Variants in LHFPL3 observed in about 807,000 individuals in gnomAD.
The protein encoded by LHFPL3 is LHFPL tetraspan subfamily member 3.
A neutral mutation model predicts 19.3 loss-of-function variants in LHFPL3; 5 were observed. The ratio of observed to expected loss-of-function variants is 0.26; its 90% CI spans 0.14 to 0.54. LHFPL3 has a LOEUF of 0.54. LHFPL3 is among the 20% of genes least tolerant of loss of function. The pLI, the probability that LHFPL3 is intolerant of heterozygous loss-of-function variation, is 0.94. For synonymous variants in LHFPL3, 133 were observed against 126.2 expected (o/e 1.05, Z -0.36); for missense variants, 249 against 307.4 (o/e 0.81, Z 1.42).
At chr7:104,667,273 G>A (rs961011358) in intron 1 of LHFPL3, among the ~76,000 whole-genome samples, 1 of 151,264 alleles carries the variant, frequency 6.6e-6, no homozygotes, top group Non-Finnish European at 1.5e-5. Flanking sequence ...TTGGGGGGGG[G>A]AATCTTTAAT....
At chr7:104,431,837 G>A (rs562465737) in intron 1 of LHFPL3, among the ~76,000 whole-genome samples, 1 of 152,248 alleles carries the variant, frequency 6.6e-6, no homozygotes, top group East Asian at 1.9e-4. Flanking sequence ...GGAAGGCTTA[G>A]GGTTTTCCTC....
chr7:104,577,468 A>G (rs1330699134), intron 1 of LHFPL3, among the ~76,000 whole-genome samples: 3 of 152,168 alleles, frequency 2.0e-5, no homozygotes, highest in African/African-American at 7.2e-5. Flanking sequence ...ATACACACAC[A>G]CGTATATATA....
At chr7:104,884,352 T>C (rs996982262) in intron 2 of LHFPL3, among the ~76,000 whole-genome samples, 1 of 152,204 alleles carries the variant, frequency 6.6e-6, no homozygotes, top group African/African-American at 2.4e-5. Context: ...AGATAGGCCC[T>C]CTGACCGCTC....
intron 2 of LHFPL3, among the ~76,000 whole-genome samples, chr7:104,753,593 G>A (rs899314354): frequency 2.0e-5 from 3 of 151,972 alleles, no homozygotes; most frequent in Admixed American, 1.3e-4. Context: ...TAGGACTTCT[G>A]TTCATGAGAG....
At chr7:104,569,244 A>C (rs1790181273) in intron 1 of LHFPL3, among the ~76,000 whole-genome samples, 1 of 152,200 alleles carries the variant, frequency 6.6e-6, no homozygotes. Flanking sequence ...AGTATGCAAT[A>C]AGTATTTGTT....
At chr7:104,711,013 T>C (rs1443041570) in intron 1 of LHFPL3, among the ~76,000 whole-genome samples, 1 of 152,152 alleles carries the variant, frequency 6.6e-6, no homozygotes, top group East Asian at 1.9e-4. Context: ...AGAATTTAGG[T>C]CATGATAGGT....
At chr7:104,843,993 C>T (rs776256347) in intron 2 of LHFPL3, among the ~76,000 whole-genome samples, 2 of 152,142 alleles carry the variant, frequency 1.3e-5, no homozygotes, top group Non-Finnish European at 2.9e-5. Flanking sequence ...TGGTGCTGAC[C>T]AACCAGGGAC....
At chr7:104,457,087 C>G (rs1161755654) in intron 1 of LHFPL3, among the ~76,000 whole-genome samples, 1 of 152,022 alleles carries the variant, frequency 6.6e-6, no homozygotes, top group African/African-American at 2.4e-5. Context: ...GCTTTAAATA[C>G]TTTGTTTTCA....
chr7:104,536,785 A>C (rs1263688991), intron 1 of LHFPL3, among the ~76,000 whole-genome samples: 1 of 152,162 alleles, frequency 6.6e-6, no homozygotes, highest in Non-Finnish European at 1.5e-5. Context: ...TTAAGCTTGC[A>C]TTTCCTTTTT....
intron 2 of LHFPL3, among the ~76,000 whole-genome samples, chr7:104,835,829 A>C (rs55682369): frequency 0.33 from 49,517 of 151,670 alleles, 9,092 homozygotes; most frequent in Non-Finnish European, 0.41. Flanking sequence ...ATAGGTATAC[A>C]TGTGCTATGG....
Position 104,428,811 on chromosome 7 carries a change from G to A in LHFPL3, c.445+99587G>A, listed in dbSNP as rs60021364. Among the ~76,000 whole-genome samples, 995 of 152,234 alleles carry A rather than the reference G, an allele frequency of 6.5e-3. 75 individuals are homozygous for A. In the East Asian group the frequency reaches 0.16, roughly 25 times the overall value. The stretch of plus-strand genomic sequence containing the variant: ...AAAACCTAGATTTAATATGATATCA[G>A]TATGATTTTCTCTGGAAGTCTAATA... On this transcript the variant is annotated intron_variant, in intron 1 of 2. Transcript: ENST00000424859.
intron 2 of LHFPL3, among the ~76,000 whole-genome samples, chr7:104,821,731 A>ATCTTCT (rs1790679044): frequency 6.6e-6 from 1 of 152,228 alleles, no homozygotes; most frequent in African/African-American, 2.4e-5. Flanking sequence ...AAAGGCCTAA[A>ATCTTCT]GTAGCACAGT....
intron 1 of LHFPL3, among the ~76,000 whole-genome samples, chr7:104,719,394 G>T (rs1793446532): frequency 2.0e-5 from 3 of 152,062 alleles, no homozygotes; most frequent in South Asian, 2.1e-4. Context: ...GCCAAAAAAG[G>T]GGGATGAGTA....
At chr7:104,846,831 A>G (rs566434920) in intron 2 of LHFPL3, among the ~76,000 whole-genome samples, 2 of 152,340 alleles carry the variant, frequency 1.3e-5, no homozygotes, top group South Asian at 4.1e-4. Context: ...TGGGCTCCTC[A>G]TCTGTAAAAT....
At chr7:104,624,965 T>A (rs953259414) in intron 1 of LHFPL3, among the ~76,000 whole-genome samples, 2 of 152,248 alleles carry the variant, frequency 1.3e-5, no homozygotes, top group African/African-American at 4.8e-5. Flanking sequence ...TTATGGATAA[T>A]AAACATTGTG....
chr7:104,879,655 A>T (rs1438613622), intron 2 of LHFPL3, among the ~76,000 whole-genome samples: 1 of 152,202 alleles, frequency 6.6e-6, no homozygotes, highest in Non-Finnish European at 1.5e-5. Context: ...AGCCCAGGAG[A>T]TCGAGGCCAC....
In LHFPL3 at chr7:104,848,221, G is replaced by A. The variant is rs144251026; in HGVS notation, c.683-57966G>A. 3.1e-3 allele frequency among the ~76,000 whole-genome samples: 467 copies of A among 152,290 alleles called. 5 individuals carry two copies. Among genetic ancestry groups the A allele is most frequent in the African/African-American group, 0.011 (438 of 41,562 alleles). On this transcript the variant is annotated intron_variant, in intron 2 of 2. Coordinates refer to ENST00000424859, the MANE Select transcript of LHFPL3 (RefSeq NM_199000.3). ...GCCGCCTCTGCATGGCACTTCACAT[G>A]AGATTGAAAGATGACAATCCACCAT...
chr7:104,819,032 T>C (rs146758628), intron 2 of LHFPL3, among the ~76,000 whole-genome samples: 1,678 of 152,244 alleles, frequency 0.011, 39 homozygotes, highest in African/African-American at 0.038. Flanking sequence ...TGGCCCCCTA[T>C]TGTGGCATTC....
chr7:104,528,494 C>G (rs925218597), intron 1 of LHFPL3, among the ~76,000 whole-genome samples: 1 of 152,110 alleles, frequency 6.6e-6, no homozygotes, highest in Admixed American at 6.6e-5. Context: ...ATGCTCAGGA[C>G]TATGTGATGC....
Sources: allele counts gnomAD v4.1 joint callset (sites outside exome capture counted in the v4.1 genomes callset), GRCh38; gene constraint gnomAD v4.1.1; transcripts MANE v1.5; gene names NCBI Gene and HGNC (gene_info 2026-07-23, HGNC 2026-07-21).